CORO2A: variants seen among roughly 807,000 people sequenced by gnomAD.
CORO2A encodes coronin-2A.
CORO2A carries 47 observed loss-of-function variants against 62.4 expected under a neutral mutation model. That is an observed-to-expected ratio of 0.75 (90% CI 0.60 to 0.96). CORO2A has a LOEUF of 0.96. Ranked by LOEUF, CORO2A falls within the 40% of genes least tolerant of loss-of-function variation. The pLI is 0.00. For missense variants in CORO2A, 610 were observed against 684.1 expected (o/e 0.89, Z 1.21); for synonymous variants, 273 against 268.9 (o/e 1.02, Z -0.15).
chr9:98,151,826 T>C (rs1827727823), intron 2 of CORO2A, among the ~76,000 whole-genome samples: 1 of 150,642 alleles, frequency 6.6e-6, no homozygotes, highest in South Asian at 2.1e-4. Flanking sequence ...TTTTTTTTTT[T>C]TTTTTTTTGA....
chr9:98,174,237 T>C (rs540393667), intron 1 of CORO2A, among the ~76,000 whole-genome samples: 2 of 152,162 alleles, frequency 1.3e-5, no homozygotes, highest in East Asian at 3.9e-4. Context: ...TGAGTAGCTT[T>C]CCTAAACCTC....
At chr9:98,126,922 C>T (rs1216420033) in intron 10 of CORO2A, 99 bp from the exon 11 acceptor site, 6 of 1,241,082 alleles carry the variant, frequency 4.8e-6, no homozygotes, top group Non-Finnish European at 1.2e-6. Context: ...ACACTCAGAG[C>T]CATGCAGACC....
Position 98,128,595 on chromosome 9 carries a change from G to A in CORO2A, c.1080+12C>T, listed in dbSNP as rs367766736. 4.8e-5 allele frequency: 77 copies of A among 1,612,358 alleles called. No individual in the cohort carries two copies. Among genetic ancestry groups the A allele is most frequent in the African/African-American group, 8.0e-5 (6 of 74,872 alleles). Reference sequence around the variant, plus strand: ...CCCCACCTGCCTCCCATGCGGTCCCGACTGCCCTTACCCGCCGGGGCACAA... The same window carrying A: ...CCCCACCTGCCTCCCATGCGGTCCCAACTGCCCTTACCCGCCGGGGCACAA... On this transcript the variant is annotated intron_variant, in intron 9 of 11. Coordinates refer to ENST00000375077, the MANE Select transcript of CORO2A (RefSeq NM_052820.4).
intron 1 of CORO2A, among the ~76,000 whole-genome samples, chr9:98,173,589 C>T (rs560190086): frequency 2.6e-5 from 4 of 152,280 alleles, no homozygotes; most frequent in East Asian, 3.9e-4. Flanking sequence ...GCCAGCACTC[C>T]GGAACTGGGC....
In CORO2A at chr9:98,121,187, G is replaced by C. The variant is rs1827239734; in HGVS notation, c.*3587C>G. The stretch of plus-strand genomic sequence containing the variant: ...TTTCTGACTTCCTGTTTCCTTCTAT[G>C]ATACAATCTCAAGTTTTGTTTCAGG... On this transcript the variant is annotated 3_prime_UTR_variant, in exon 12 of 12. Transcript: ENST00000375077. 1 of 152,158 alleles carries C rather than the reference G, an allele frequency of 6.6e-6. No homozygotes were observed. Among genetic ancestry groups the C allele is most frequent in the South Asian group, 2.1e-4 (1 of 4,834 alleles). 9.4% of individuals were successfully genotyped at this position (152,158 alleles called of 1,614,324 possible). A position where few individuals can be genotyped will look rare whatever the true frequency, so the allele number is the denominator to read the frequency against.
At chr9:98,131,345 T>TC (rs1554742229) in intron 6 of CORO2A, among the ~76,000 whole-genome samples, 2 of 140,798 alleles carry the variant, frequency 1.4e-5, no homozygotes, top group Non-Finnish European at 3.1e-5. Flanking sequence ...TTTTTTTTTT[T>TC]GAGACAAGGT....
intron 1 of CORO2A, among the ~76,000 whole-genome samples, chr9:98,167,598 A>C (rs1025212702): frequency 6.6e-6 from 1 of 152,260 alleles, no homozygotes; most frequent in Non-Finnish European, 1.5e-5. Context: ...CACAGCAAGA[A>C]GTGCAATGTG....
intron 1 of CORO2A, among the ~76,000 whole-genome samples, chr9:98,160,370 G>A (rs764380817): frequency 6.6e-6 from 1 of 152,192 alleles, no homozygotes; most frequent in Non-Finnish European, 1.5e-5. Context: ...GTGCGGCCAG[G>A]TCCACCACAC....
intron 2 of CORO2A, among the ~76,000 whole-genome samples, chr9:98,143,248 G>A (rs1417036802): frequency 6.6e-6 from 1 of 152,246 alleles, no homozygotes; most frequent in Non-Finnish European, 1.5e-5. Flanking sequence ...AGTCAGGCGG[G>A]TGGGGGACCA....
intron 2 of CORO2A, among the ~76,000 whole-genome samples, chr9:98,157,097 C>A (rs2093697): frequency 6.6e-6 from 1 of 152,154 alleles, no homozygotes; most frequent in Non-Finnish European, 1.5e-5. Context: ...AGTTTTGACT[C>A]AATGTTTGTT....
At position 98,170,839 on chromosome 9, in the gene CORO2A, C is replaced by T. The variant is rs558348897; in HGVS notation, c.1-13179G>A. On this transcript the variant is annotated intron_variant, in intron 1 of 11. Transcript: ENST00000375077. Reference sequence around the variant, plus strand: ...GTTTCTATCCATATAATAGTAACAGCCCTGCCCTGCCCACCTGTTAGGACG... The same window carrying T: ...GTTTCTATCCATATAATAGTAACAGTCCTGCCCTGCCCACCTGTTAGGACG... 2.0e-5 allele frequency among the ~76,000 whole-genome samples: 3 copies of T among 152,282 alleles called. No individual in the cohort carries two copies. The East Asian group carries it at 5.8e-4, about 29-fold the overall frequency.
At chr9:98,183,731 G>A (rs532301298) in intron 1 of CORO2A, among the ~76,000 whole-genome samples, 47 of 152,242 alleles carry the variant, frequency 3.1e-4, no homozygotes, top group South Asian at 8.3e-4. Context: ...AGGCTGAGGC[G>A]GGCAGATTAC....
At chr9:98,164,807 C>G (rs115311131) in intron 1 of CORO2A, among the ~76,000 whole-genome samples, 3,608 of 152,244 alleles carry the variant, frequency 0.024, 119 homozygotes, top group African/African-American at 0.081. Flanking sequence ...TTGCCGCTCT[C>G]CACAGAAGTA....
intron 1 of CORO2A, among the ~76,000 whole-genome samples, chr9:98,179,102 T>C (rs974104517): frequency 1.3e-5 from 2 of 152,252 alleles, no homozygotes; most frequent in African/African-American, 4.8e-5. Flanking sequence ...GAAGCCTCAG[T>C]TTCCTCATCT....
intron 2 of CORO2A, among the ~76,000 whole-genome samples, chr9:98,147,465 ATTATTT>A (rs1827656924): frequency 6.6e-6 from 1 of 152,210 alleles, no homozygotes; most frequent in South Asian, 2.1e-4. Context: ...AGTTCATCAT[ATTATTT>A]TTATCTACTT....
chr9:98,126,192 C>T (rs1025195229), intron 11 of CORO2A, among the ~76,000 whole-genome samples: 3 of 151,902 alleles, frequency 2.0e-5, no homozygotes, highest in Non-Finnish European at 4.4e-5. Context: ...TACGCCACCA[C>T]ACCCGGCTAA....
intron 2 of CORO2A, among the ~76,000 whole-genome samples, chr9:98,148,778 C>CA (rs914173817): frequency 1.5e-4 from 20 of 130,334 alleles, no homozygotes; most frequent in East Asian, 8.9e-4. Flanking sequence ...AACAAACAAA[C>CA]AAAAAAAACA....
chr9:98,151,888 C>T (rs2118860554), intron 2 of CORO2A, among the ~76,000 whole-genome samples: 1 of 148,316 alleles, frequency 6.7e-6, no homozygotes, highest in Admixed American at 6.8e-5. Context: ...GCGATCTCGA[C>T]TCACTGCAAG....
chr9:98,174,439 T>C (rs16913514), intron 1 of CORO2A, among the ~76,000 whole-genome samples: 8,754 of 152,284 alleles, frequency 0.057, 827 homozygotes, highest in African/African-American at 0.2. Context: ...CATTGACACA[T>C]GTAAACAAAA....
Sources: allele counts gnomAD v4.1 joint callset (sites outside exome capture counted in the v4.1 genomes callset), GRCh38; gene constraint gnomAD v4.1.1; transcripts MANE v1.5; gene names NCBI Gene and HGNC (gene_info 2026-07-23, HGNC 2026-07-21).